Variants in TBX19 observed in about 807,000 individuals in gnomAD.
TBX19 encodes T-box transcription factor TBX19.
In TBX19, 33 loss-of-function variants were observed where a neutral mutation model predicts 40.9. That is an observed-to-expected ratio of 0.81 (90% CI 0.61 to 1.08). The LOEUF (loss-of-function observed/expected upper bound fraction) is 1.08. Among genes scored for constraint, TBX19 ranks in the 50% least tolerant of loss-of-function variants. TBX19 has a pLI of 0.00. For synonymous variants in TBX19, 220 were observed against 225.0 expected, an observed-to-expected ratio of 0.98 and a Z score of 0.20; for missense variants, 494 against 574.0, an observed-to-expected ratio of 0.86 and a Z score of 1.42.
rs1649249719 is a variant in TBX19 at position 168,300,464 on chromosome 1, G to A, written c.708G>A (p.Gln236=). The A allele has an allele frequency of 6.2e-7, 1 of 1,614,194 alleles. No individual in the cohort carries two copies. Among genetic ancestry groups the A allele is most frequent in the Admixed American group, 1.7e-5 (1 of 60,032 alleles). ...TACCGGAGGCTATCTCTGAGAGCCA[G>A]CATGTGACCTATTCTCACTGTGAGT... The part of the protein sequence containing the change: ...RDVPEAISES[Q]HVTYSHLGGW... Residue 236 remains glutamine, a synonymous_variant, in exon 5 of 8, where the codon CAG becomes CAA. Coordinates refer to ENST00000367821, the MANE Select transcript of TBX19 (RefSeq NM_005149.3).
chr1:168,293,301 G>T (rs1038153827), intron 3 of TBX19, 23 bp downstream of exon 3: 4 of 1,568,866 alleles, frequency 2.5e-6, no homozygotes, highest in Non-Finnish European at 3.5e-6. Context: ...GTGTGTGTGT[G>T]TGTGTGTGTG....
At chr1:168,298,321 A>G (rs1246433946) in intron 4 of TBX19, among the ~76,000 whole-genome samples, 1 of 152,216 alleles carries the variant, frequency 6.6e-6, no homozygotes, top group Admixed American at 6.5e-5. Context: ...AATTTTTTTT[A>G]AAGACCTGTT....
chr1:168,293,354 A>T (rs1190010193), intron 3 of TBX19, 76 bp downstream of exon 3: 13 of 1,447,930 alleles, frequency 9.0e-6, no homozygotes, highest in South Asian at 2.5e-5. Flanking sequence ...TCATGGCAGG[A>T]TGGGCGGGGG....
intron 6 of TBX19, among the ~76,000 whole-genome samples, chr1:168,306,347 G>T (rs1210645566): frequency 1.3e-5 from 2 of 152,262 alleles, no homozygotes; most frequent in East Asian, 3.9e-4. Flanking sequence ...TAGTTTCAGG[G>T]CCGGGAGCGG....
At chr1:168,284,936 A>T (rs1427753286) in intron 1 of TBX19, among the ~76,000 whole-genome samples, 1 of 152,048 alleles carries the variant, frequency 6.6e-6, no homozygotes, top group African/African-American at 2.4e-5. Context: ...CCAGTGCTTG[A>T]TGATTAAGGG....
At chr1:168,293,090 C>G in intron 2 of TBX19, 54 bp from the exon 3 acceptor site, 5 of 1,607,592 alleles carry the variant, frequency 3.1e-6, no homozygotes, top group Non-Finnish European at 4.2e-6. Context: ...CCTTTATCAC[C>G]TGCGATACAC....
Position 168,280,914 on chromosome 1 carries a change from A to C in TBX19, c.-177A>C. 1.5e-6 allele frequency: 1 copy of C among 667,760 alleles called. No individual in the cohort carries two copies. The highest frequency in any genetic ancestry group is 2.7e-6 in the Non-Finnish European group (1 of 371,364). The allele number at this position is 667,760 out of a possible 1,614,324, so 41.4% of individuals were successfully genotyped here. Reference sequence around the variant, plus strand: ...AACTAAAGCTTAACAGGTTGGTGGCATAATGTGGAGACTTTTAAGGGGTGT... The same window carrying C: ...AACTAAAGCTTAACAGGTTGGTGGCCTAATGTGGAGACTTTTAAGGGGTGT... On this transcript the variant is annotated 5_prime_UTR_variant, in exon 1 of 8. Transcript: ENST00000367821.
rs1474451488 is a variant in TBX19 at position 168,307,485 on chromosome 1, C to A, written c.917-1257C>A. 1.1e-4 allele frequency among the ~76,000 whole-genome samples: 17 copies of A among 152,132 alleles called. 1 individual carries two copies. The South Asian group carries it at 3.3e-3, about 30-fold the overall frequency. On this transcript the variant is annotated intron_variant, in intron 6 of 7. Coordinates refer to ENST00000367821, the MANE Select transcript of TBX19 (RefSeq NM_005149.3). ...TTAGCCTATTCCTGAGGGTAGAGCC[C>A]CCATGGCCTAGTCACCTCTTAAAGG...
chr1:168,303,038 T>G (rs1649315386), intron 5 of TBX19, among the ~76,000 whole-genome samples: 1 of 152,200 alleles, frequency 6.6e-6, no homozygotes, highest in South Asian at 2.1e-4. Context: ...TTTTTATTTA[T>G]TTATTTATTT....
At chr1:168,303,485 A>G (rs1649326843) in intron 5 of TBX19, among the ~76,000 whole-genome samples, 1 of 152,206 alleles carries the variant, frequency 6.6e-6, no homozygotes, top group East Asian at 1.9e-4. Context: ...TGGTTGCACA[A>G]AAAGATGTTA....
In TBX19 at chr1:168,313,134, A is replaced by G; in HGVS notation, c.*132A>G. On this transcript the variant is annotated 3_prime_UTR_variant, in exon 8 of 8. Transcript: ENST00000367821. Reference sequence around the variant, plus strand: ...TAGCTGGAGGTGGAGGTGGGTTATTACAGAAGTCATACTGGGAGAGGGTTC... The same window carrying G: ...TAGCTGGAGGTGGAGGTGGGTTATTGCAGAAGTCATACTGGGAGAGGGTTC... 2 of 1,128,500 alleles carry G rather than the reference A, an allele frequency of 1.8e-6. No individual in the cohort carries two copies. Among genetic ancestry groups the G allele is most frequent in the South Asian group, 1.4e-5 (1 of 73,582 alleles). 69.9% of individuals were successfully genotyped at this position (1,128,500 alleles called of 1,614,324 possible). A position where few individuals can be genotyped will look rare whatever the true frequency, so the allele number is the denominator to read the frequency against.
At chr1:168,309,004 A>AGTGTTTT in intron 7 of TBX19, 127 bp downstream of exon 7, 1 of 1,338,908 alleles carries the variant, frequency 7.5e-7, no homozygotes, top group Non-Finnish European at 1.1e-6. Context: ...CTAAAACACT[A>AGTGTTTT]AGAAGTCAAG....
chr1:168,307,301 C>T (rs1281597279), intron 6 of TBX19, among the ~76,000 whole-genome samples: 2 of 152,084 alleles, frequency 1.3e-5, no homozygotes, highest in African/African-American at 2.4e-5. Context: ...GTCCTGGAGG[C>T]TGGGGAGTTT....
At chr1:168,299,518 G>A (rs1156919601) in intron 4 of TBX19, among the ~76,000 whole-genome samples, 1 of 151,920 alleles carries the variant, frequency 6.6e-6, no homozygotes. Flanking sequence ...GCTCTATCAC[G>A]CGGACTGGAG....
At chr1:168,308,649 C>T in intron 6 of TBX19, 93 bp from the exon 7 acceptor site, 1 of 1,500,820 alleles carries the variant, frequency 6.7e-7, no homozygotes, top group Non-Finnish European at 9.3e-7. Context: ...TAGTGCAAGC[C>T]ATGGTTATAT....
intron 1 of TBX19, among the ~76,000 whole-genome samples, chr1:168,282,934 C>T (rs1343853182): frequency 1.3e-5 from 2 of 152,146 alleles, no homozygotes; most frequent in Admixed American, 6.5e-5. Flanking sequence ...TTTCTGAAAC[C>T]ATGATAAATT....
At chr1:168,297,108 A>G (rs193053846) in intron 3 of TBX19, among the ~76,000 whole-genome samples, 7 of 152,348 alleles carry the variant, frequency 4.6e-5, no homozygotes, top group Admixed American at 4.6e-4. Flanking sequence ...ATCACTATCT[A>G]TCTATACGTC....
rs149594066 is a variant in TBX19 at position 168,286,559 on chromosome 1, G to A, written c.204-4601G>A. On this transcript the variant is annotated intron_variant, in intron 1 of 7. Coordinates refer to ENST00000367821, the MANE Select transcript of TBX19 (RefSeq NM_005149.3). ...TTCATCAATGTTGTAGCATGTATCA[G>A]CACTTCATCTTTTTTATTGACAAAT... Among the ~76,000 whole-genome samples, 385 of 152,310 alleles carry A rather than the reference G, an allele frequency of 2.5e-3. 2 individuals are homozygous for A. Among genetic ancestry groups the A allele is most frequent in the African/African-American group, 7.8e-3 (326 of 41,554 alleles).
chr1:168,311,764 T>C (rs1331181555), intron 7 of TBX19, among the ~76,000 whole-genome samples: 4 of 152,134 alleles, frequency 2.6e-5, no homozygotes, highest in Non-Finnish European at 5.9e-5. Context: ...GCCGAAAACA[T>C]TGGGTTCATT....
Sources: allele counts gnomAD v4.1 joint callset (sites outside exome capture counted in the v4.1 genomes callset), GRCh38; gene constraint gnomAD v4.1.1; transcripts MANE v1.5; gene names NCBI Gene and HGNC (gene_info 2026-07-23, HGNC 2026-07-21).